Variants in LEPR observed in about 807,000 individuals in gnomAD.
The protein encoded by LEPR is leptin receptor.
A neutral mutation model predicts 114.7 loss-of-function variants in LEPR; 56 were observed. That is an observed-to-expected ratio of 0.49 (90% CI 0.39 to 0.61). The LOEUF (loss-of-function observed/expected upper bound fraction) is 0.61, where lower values mean the gene tolerates loss of function less well. Ranked by LOEUF, LEPR falls within the 20% of genes least tolerant of loss-of-function variation. LEPR has a pLI of 0.00. For synonymous variants in LEPR, 443 were observed against 461.4 expected, an observed-to-expected ratio of 0.96 and a Z score of 0.51; for missense variants, 1,202 against 1,352.9, an observed-to-expected ratio of 0.89 and a Z score of 1.75.
chr1:65,628,004 T>A (rs930058619), intron 19 of LEPR, among the ~76,000 whole-genome samples: 2 of 152,124 alleles, frequency 1.3e-5, no homozygotes, highest in African/African-American at 2.4e-5. Context: ...TCCTTCCCCT[T>A]GGTTTATATT....
At position 65,420,680 on chromosome 1, in the gene LEPR, C is replaced by T. The variant is rs1195290423; in HGVS notation, c.-157C>T. 2 of 1,565,338 alleles carry T rather than the reference C, an allele frequency of 1.3e-6. No homozygotes were observed. Among genetic ancestry groups the T allele is most frequent in the East Asian group, 2.4e-5 (1 of 42,330 alleles). ...GTCTGGCTTGGGCAGGCTGCCCGGG[C>T]CGTGGCAGGAAGCCGGAAGCAGCCG... On this transcript the variant is annotated 5_prime_UTR_variant, in exon 1 of 20. Coordinates refer to ENST00000349533, the MANE Select transcript of LEPR (RefSeq NM_002303.6).
chr1:65,572,829 G>C (rs1654298758), intron 5 of LEPR, among the ~76,000 whole-genome samples: 1 of 152,148 alleles, frequency 6.6e-6, no homozygotes, highest in South Asian at 2.1e-4. Context: ...CTCAAACTAG[G>C]TCTCTCATTA....
intron 2 of LEPR, among the ~76,000 whole-genome samples, chr1:65,471,052 A>G (rs917549947): frequency 6.6e-6 from 1 of 152,236 alleles, no homozygotes; most frequent in Non-Finnish European, 1.5e-5. Context: ...AAGAAAGACA[A>G]TACTCCTGAT....
intron 2 of LEPR, among the ~76,000 whole-genome samples, chr1:65,467,144 C>T (rs1647024715): frequency 6.6e-6 from 1 of 152,130 alleles, no homozygotes; most frequent in Non-Finnish European, 1.5e-5. Context: ...TTTCTGCTCT[C>T]ATTTCTCCCC....
At chr1:65,424,262 A>G (rs1438640048) in intron 1 of LEPR, among the ~76,000 whole-genome samples, 1 of 152,248 alleles carries the variant, frequency 6.6e-6, no homozygotes, top group East Asian at 1.9e-4. Context: ...TTTCCTACAA[A>G]GACATGAAAA....
At chr1:65,544,884 C>A (rs1651547205) in intron 2 of LEPR, among the ~76,000 whole-genome samples, 2 of 150,404 alleles carry the variant, frequency 1.3e-5, no homozygotes, top group Non-Finnish European at 3.0e-5. Flanking sequence ...TATACATGTG[C>A]CATGCTGGTG....
rs142820344 is a variant in LEPR at position 65,503,053 on chromosome 1, A to C, written c.-20-62493A>C. On this transcript the variant is annotated intron_variant, in intron 2 of 19. Transcript: ENST00000349533. Reference sequence around the variant, plus strand: ...AGACAAAGAGAAAGATGCCAGTCTGAAAAGGCTACACACTGTATGATTTCA... The same window carrying C: ...AGACAAAGAGAAAGATGCCAGTCTGCAAAGGCTACACACTGTATGATTTCA... 6.0e-4 allele frequency among the ~76,000 whole-genome samples: 92 copies of C among 152,252 alleles called. 1 individual carries two copies. The highest frequency in any genetic ancestry group is 2.1e-3 in the African/African-American group (87 of 41,556).
At chr1:65,614,374 G>A (rs1447490180) in intron 14 of LEPR, among the ~76,000 whole-genome samples, 2 of 152,182 alleles carry the variant, frequency 1.3e-5, no homozygotes, top group African/African-American at 4.8e-5. Flanking sequence ...TGTAAACTGT[G>A]ACAAAGGAAT....
chr1:65,603,698 GTTT>G (rs71736052), intron 10 of LEPR, among the ~76,000 whole-genome samples: 9 of 135,312 alleles, frequency 6.7e-5, no homozygotes, highest in African/African-American at 8.1e-5. Context: ...TTTGCAACTG[GTTT>G]TTTTTTTTTT....
intron 2 of LEPR, among the ~76,000 whole-genome samples, chr1:65,494,418 CTCTTGTTCTGACT>C (rs1648044372): frequency 6.6e-6 from 1 of 152,052 alleles, no homozygotes. Context: ...TTATAGTCAC[CTCTTGTTCTGACT>C]TCTGGATTCT....
chr1:65,553,839 G>A (rs1039059211), intron 2 of LEPR, among the ~76,000 whole-genome samples: 6 of 152,088 alleles, frequency 3.9e-5, no homozygotes, highest in Non-Finnish European at 7.4e-5. Context: ...CATCTTCATG[G>A]ATTTATCTAA....
intron 2 of LEPR, among the ~76,000 whole-genome samples, chr1:65,554,424 A>C (rs1652661589): frequency 1.3e-5 from 2 of 152,120 alleles, no homozygotes; most frequent in South Asian, 4.1e-4. Flanking sequence ...GAGAGGAGGA[A>C]TCTAGAGAGG....
At chr1:65,458,699 T>C (rs1646908050) in intron 2 of LEPR, among the ~76,000 whole-genome samples, 1 of 152,170 alleles carries the variant, frequency 6.6e-6, no homozygotes, top group South Asian at 2.1e-4. Flanking sequence ...CTGCTTGGCA[T>C]TGTGTGAGCT....
intron 5 of LEPR, among the ~76,000 whole-genome samples, chr1:65,578,682 A>G (rs1654768141): frequency 6.6e-6 from 1 of 152,218 alleles, no homozygotes; most frequent in African/African-American, 2.4e-5. Context: ...ACCTGAATGA[A>G]TATTGTGGAA....
In LEPR at chr1:65,636,245, C is replaced by T. The variant is rs2101046855; in HGVS notation, c.2728C>T (p.Pro910Ser). ...GCATACAGCATCAGTGACATGTGGT[C>T]CTCTTCTTTTGGAGCCTGAAACAAT... ...IKHTASVTCG[P>S]LLLEPETISE... Residue 910 changes from proline to serine, a missense_variant, in exon 20 of 20, where the codon CCT (proline) becomes TCT (serine). Pro to Ser is a moderately conservative substitution (Grantham distance 74). Transcript: ENST00000349533. 1 of 1,613,858 alleles carries T rather than the reference C, an allele frequency of 6.2e-7. No individual in the cohort carries two copies. The highest frequency in any genetic ancestry group is 8.5e-7 in the Non-Finnish European group (1 of 1,179,876).
rs1027054648 is a variant in LEPR, at chr1:65,639,567, C to T, written c.*2552C>T. On this transcript the variant is annotated 3_prime_UTR_variant, in exon 20 of 20. Transcript: ENST00000349533. Reference sequence around the variant, plus strand: ...ATGCCTCAGAATGGTCAGGAACTTCCCATTTCTTCCCACAGCTTCTATAAA... The same window carrying T: ...ATGCCTCAGAATGGTCAGGAACTTCTCATTTCTTCCCACAGCTTCTATAAA... 2.0e-5 allele frequency: 3 copies of T among 152,054 alleles called. No homozygotes were observed. The highest frequency in any genetic ancestry group is 7.2e-5 in the African/African-American group (3 of 41,390). The allele number at this position is 152,054 out of a possible 1,614,324, so 9.4% of individuals were successfully genotyped here. A position where few individuals can be genotyped will look rare whatever the true frequency, so the allele number is the denominator to read the frequency against.
Position 65,616,183 on chromosome 1 carries a change from T to C in LEPR, c.2171T>C (p.Val724Ala), listed in dbSNP as rs375934938. 107 of 1,613,962 alleles carry C rather than the reference T, an allele frequency of 6.6e-5. No homozygotes were observed. Among genetic ancestry groups the C allele is most frequent in the Non-Finnish European group, 6.0e-5 (71 of 1,179,976 alleles). Residue 724 changes from valine to alanine, a missense_variant, in exon 15 of 20, where the codon GTT (valine) becomes GCT (alanine). Transcript: ENST00000349533. ...GCCATCAATTCAATTGGTGCTTCTG[T>C]TGCAAATTTTAATTTAACCTTTTCA... Reference protein sequence around the residue: ...VLAINSIGASVANFNLTFSWP... With the variant: ...VLAINSIGASAANFNLTFSWP...
chr1:65,570,426 G>T, intron 3 of LEPR, 47 bp from the exon 4 acceptor site: 1 of 1,572,162 alleles, frequency 6.4e-7, no homozygotes, highest in Non-Finnish European at 8.7e-7. Flanking sequence ...TCATGTCTTA[G>T]TCAAAATGAT....
intron 2 of LEPR, among the ~76,000 whole-genome samples, chr1:65,523,404 G>C (rs1214541020): frequency 6.6e-6 from 1 of 151,788 alleles, no homozygotes; most frequent in Non-Finnish European, 1.5e-5. Flanking sequence ...TCTGCCTCCT[G>C]GATTCAACCG....
Sources: allele counts gnomAD v4.1 joint callset (sites outside exome capture counted in the v4.1 genomes callset), GRCh38; gene constraint gnomAD v4.1.1; transcripts MANE v1.5; gene names NCBI Gene and HGNC (gene_info 2026-07-23, HGNC 2026-07-21).